EMP1: variants seen among roughly 807,000 people sequenced by gnomAD.
The protein encoded by EMP1 is tumor-associated membrane protein.
A neutral mutation model predicts 15.7 loss-of-function variants in EMP1; 5 were observed. The observed-to-expected ratio is 0.32, with a 90% CI of 0.17 to 0.67. EMP1 has a LOEUF of 0.67. Among genes scored for constraint, EMP1 ranks in the 30% least tolerant of loss-of-function variants. The probability of loss-of-function intolerance (pLI) is 0.74; values close to 1 mark genes in which losing one functional copy is unlikely to be tolerated. For missense variants in EMP1, 166 were observed against 194.2 expected, an observed-to-expected ratio of 0.85 and a Z score of 0.86; for synonymous variants, 78 against 76.7, an observed-to-expected ratio of 1.02 and a Z score of -0.09.
intron 1 of EMP1, among the ~76,000 whole-genome samples, chr12:13,210,909 C>T (rs1472189793): frequency 6.6e-6 from 1 of 152,238 alleles, no homozygotes; most frequent in Non-Finnish European, 1.5e-5. Context: ...GTGCCTCTCA[C>T]ATTTTATATC....
rs766445912 is a variant in EMP1, at chr12:13,216,429, A to G, written c.*1738A>G. ...GCTGAGGTTAGAGAGATTGGCCAGC[A>G]AAAACTGTGGGAAGATGAACTTTGT... On this transcript the variant is annotated 3_prime_UTR_variant, in exon 5 of 5. Coordinates refer to ENST00000256951, the MANE Select transcript of EMP1 (RefSeq NM_001423.3). The G allele has an allele frequency of 1.4e-5, 10 of 702,436 alleles. No homozygotes were observed. The highest frequency in any genetic ancestry group is 1.3e-4 in the South Asian group (9 of 67,572). The allele number at this position is 702,436 out of a possible 1,614,324, so 43.5% of individuals were successfully genotyped here.
rs1384837232 is a variant in EMP1 at position 13,215,041 on chromosome 12, C to T, written c.*350C>T. On this transcript the variant is annotated 3_prime_UTR_variant, in exon 5 of 5. Coordinates refer to ENST00000256951, the MANE Select transcript of EMP1 (RefSeq NM_001423.3). ...CTTCTGGGTCATGCACTGAGGTCCACAGACCTACTGCACTGAGTTAAAATA... is the reference window on the plus strand; with the variant it reads ...CTTCTGGGTCATGCACTGAGGTCCATAGACCTACTGCACTGAGTTAAAATA... The T allele has an allele frequency of 7.3e-6, 2 of 275,512 alleles. No homozygotes were observed. The highest frequency in any genetic ancestry group is 9.2e-5 in the Admixed American group (2 of 21,712). The allele number at this position is 275,512 out of a possible 1,614,324, so 17.1% of individuals were successfully genotyped here.
intron 1 of EMP1, among the ~76,000 whole-genome samples, chr12:13,208,874 A>G (rs75083754): frequency 0.084 from 12,861 of 152,202 alleles, 761 homozygotes; most frequent in East Asian, 0.26. Flanking sequence ...ACACACCACC[A>G]GGGCTGTGAT....
At chr12:13,213,418 A>G in intron 2 of EMP1, 61 bp from the exon 3 acceptor site, 1 of 1,473,756 alleles carries the variant, frequency 6.8e-7, no homozygotes, top group Non-Finnish European at 9.5e-7. Flanking sequence ...CTGATTTGTT[A>G]TTTTATTTTT....
Position 13,214,515 on chromosome 12 carries a change from A to C in EMP1, c.317-19A>C. On this transcript the variant is annotated intron_variant, in intron 4 of 4. Transcript: ENST00000256951. ...TTAATGTAAGAAAACACACCGACAAATCTCCTTTTCCCCTGCAGGGCTGTG... is the reference window on the plus strand; with the variant it reads ...TTAATGTAAGAAAACACACCGACAACTCTCCTTTTCCCCTGCAGGGCTGTG... The C allele has an allele frequency of 6.2e-7, 1 of 1,606,278 alleles. No homozygotes were observed. The highest frequency in any genetic ancestry group is 8.5e-7 in the Non-Finnish European group (1 of 1,175,332).
intron 4 of EMP1, chr12:13,214,040 C>G: frequency 1.4e-6 from 1 of 737,728 alleles, no homozygotes; most frequent in Non-Finnish European, 2.4e-6. Context: ...TGGGTAGCTA[C>G]CAAGTGGCAG....
intron 1 of EMP1, among the ~76,000 whole-genome samples, chr12:13,201,407 C>CAA (rs77795835): frequency 6.0e-5 from 9 of 151,038 alleles, no homozygotes; most frequent in South Asian, 2.1e-4. Flanking sequence ...CACCCTGTCT[C>CAA]AAAAAAAACA....
intron 1 of EMP1, among the ~76,000 whole-genome samples, chr12:13,210,726 T>C (rs1864157674): frequency 6.6e-6 from 1 of 152,268 alleles, no homozygotes; most frequent in African/African-American, 2.4e-5. Flanking sequence ...GTGGAAAATA[T>C]GACTCTCTGC....
intron 1 of EMP1, 75 bp downstream of exon 1, chr12:13,196,947 C>T (rs560566376): frequency 6.6e-6 from 1 of 152,432 alleles, no homozygotes; most frequent in South Asian, 2.1e-4. Flanking sequence ...CTTCTTCTGA[C>T]CTCATCTTAG....
At chr12:13,207,149 T>C (rs1864117649) in intron 1 of EMP1, among the ~76,000 whole-genome samples, 1 of 152,176 alleles carries the variant, frequency 6.6e-6, no homozygotes, top group South Asian at 2.1e-4. Flanking sequence ...TCTTGCTCTG[T>C]TGCCCAGGCT....
In EMP1 at chr12:13,216,151, C is replaced by T. The variant is rs1010323342; in HGVS notation, c.*1460C>T. The T allele has an allele frequency of 4.3e-6, 2 of 470,338 alleles. No individual in the cohort carries two copies. Among genetic ancestry groups the T allele is most frequent in the Non-Finnish European group, 7.6e-6 (2 of 264,194 alleles). The allele number at this position is 470,338 out of a possible 1,614,324, so 29.1% of individuals were successfully genotyped here. ...CAGCTATTTTAAGCCATCTCAGATT[C>T]TGTCTAAAGGGGTTTTTTGGGAAGA... On this transcript the variant is annotated 3_prime_UTR_variant, in exon 5 of 5. Coordinates refer to ENST00000256951, the MANE Select transcript of EMP1 (RefSeq NM_001423.3).
chr12:13,208,176 G>A (rs569771387), intron 1 of EMP1, among the ~76,000 whole-genome samples: 10 of 152,254 alleles, frequency 6.6e-5, no homozygotes, highest in African/African-American at 2.4e-4. Flanking sequence ...CTCATAAATG[G>A]TATTTTTTTC....
Position 13,214,784 on chromosome 12 carries a change from G to C in EMP1, c.*93G>C. Reference sequence around the variant, plus strand: ...GAGGTTGCTGTACAGGAAAAACCGAGATAGGGGAGGGGGGAGGGGGAAGCA... The same window carrying C: ...GAGGTTGCTGTACAGGAAAAACCGACATAGGGGAGGGGGGAGGGGGAAGCA... On this transcript the variant is annotated 3_prime_UTR_variant, in exon 5 of 5. Coordinates refer to ENST00000256951, the MANE Select transcript of EMP1 (RefSeq NM_001423.3). 7.1e-6 allele frequency: 1 copy of C among 141,314 alleles called. No individual in the cohort carries two copies. The highest frequency in any genetic ancestry group is 1.3e-5 in the Non-Finnish European group (1 of 74,936). The allele number at this position is 141,314 out of a possible 1,614,324, so 8.8% of individuals were successfully genotyped here.
In EMP1 at chr12:13,216,500, CA is replaced by C; in HGVS notation, c.*1815del. ...ATGATTATAGAAGGCTGTCTTAGTG[CA>C]AAAAACATACTTACATTTCAGACAT... On this transcript the variant is annotated 3_prime_UTR_variant, in exon 5 of 5. Transcript: ENST00000256951. 1 of 696,890 alleles carries C rather than the reference CA, an allele frequency of 1.4e-6. No homozygotes were observed. The highest frequency in any genetic ancestry group is 2.6e-6 in the Non-Finnish European group (1 of 382,844). The allele number at this position is 696,890 out of a possible 1,614,324, so 43.2% of individuals were successfully genotyped here.
Position 13,217,893 on chromosome 12 carries a change from A to G in EMP1, c.*3202A>G, listed in dbSNP as rs1048222229. ...GAAGGCAGGCAAGCCCAAAGTCTGC[A>G]AGGGGTGGGCCAGCAGAGAGCTGGT... On this transcript the variant is annotated 3_prime_UTR_variant, in exon 5 of 5. Coordinates refer to ENST00000256951, the MANE Select transcript of EMP1 (RefSeq NM_001423.3). 1 of 152,188 alleles carries G rather than the reference A, an allele frequency of 6.6e-6. No homozygotes were observed. Among genetic ancestry groups the G allele is most frequent in the Non-Finnish European group, 1.5e-5 (1 of 68,042 alleles). 9.4% of individuals were successfully genotyped at this position (152,188 alleles called of 1,614,324 possible).
chr12:13,202,539 C>T (rs1864075285), intron 1 of EMP1, among the ~76,000 whole-genome samples: 2 of 152,168 alleles, frequency 1.3e-5, no homozygotes, highest in African/African-American at 4.8e-5. Flanking sequence ...TCAGAGAAAG[C>T]TCTGAAGCTG....
At chr12:13,200,273 G>T (rs559410079) in intron 1 of EMP1, among the ~76,000 whole-genome samples, 1 of 152,188 alleles carries the variant, frequency 6.6e-6, no homozygotes, top group Non-Finnish European at 1.5e-5. Context: ...GCCTTTTGGG[G>T]ATTGTCCCAT....
At position 13,218,126 on chromosome 12, in the gene EMP1, T is replaced by G. The variant is rs1026321428; in HGVS notation, c.*3435T>G. The stretch of plus-strand genomic sequence containing the variant: ...CTCAAGAATGGGACCCAAAGGCAAA[T>G]GATAACTTATTCATTCATCAAGGGA... On this transcript the variant is annotated 3_prime_UTR_variant, in exon 5 of 5. Transcript: ENST00000256951. 6.6e-6 allele frequency: 1 copy of G among 152,210 alleles called. No homozygotes were observed. Among genetic ancestry groups the G allele is most frequent in the African/African-American group, 2.4e-5 (1 of 41,460 alleles). The allele number at this position is 152,210 out of a possible 1,614,324, so 9.4% of individuals were successfully genotyped here.
intron 1 of EMP1, chr12:13,209,398 T>C (rs1257178830): frequency 2.0e-5 from 3 of 152,106 alleles, no homozygotes; most frequent in Non-Finnish European, 4.4e-5. Flanking sequence ...AATGACAATT[T>C]CTAAGAGGAC....
Sources: gnomAD v4.1 joint callset for allele counts (sites outside exome capture counted in the v4.1 genomes callset) on GRCh38, gnomAD v4.1.1 for gene constraint, MANE v1.5 for transcripts, NCBI Gene and HGNC (gene_info 2026-07-23, HGNC 2026-07-21) for gene names.